The following CXCL13 variants were observed in gnomAD, a reference collection of about 807,000 sequenced individuals.
CXCL13 encodes C-X-C motif chemokine ligand 13, also known as C-X-C motif chemokine 13.
In CXCL13, 7 loss-of-function variants were observed where a neutral mutation model predicts 12.2. The ratio of observed to expected loss-of-function variants is 0.57; its 90% confidence interval spans 0.33 to 1.07. The LOEUF (loss-of-function observed/expected upper bound fraction) is 1.07, where lower values mean the gene tolerates loss of function less well. CXCL13 is among the 50% of genes least tolerant of loss of function. The pLI, the probability that CXCL13 is intolerant of heterozygous loss-of-function variation, is 0.04. For synonymous variants in CXCL13, 47 were observed against 42.4 expected (o/e 1.11, Z -0.42); for missense variants, 113 against 127.4 (o/e 0.89, Z 0.55).
rs1404232896 is a variant in CXCL13, at chr4:77,573,066, C to T, written c.-42-32758C>T. Among the ~76,000 whole-genome samples, 6 of 151,580 alleles carry T rather than the reference C, an allele frequency of 4.0e-5. No homozygotes were observed. The South Asian group carries it at 8.3e-4, about 21-fold the overall frequency. On this transcript the variant is annotated intron_variant, in intron 1 of 4. Transcript: ENST00000286758. ...ACATGGACACGTAGAGGGAAACAAC[C>T]GACACTAGTGCCTATCAGAGAATGG... is the stretch of plus-strand genomic sequence containing the variant.
chr4:77,598,970 G>A (rs1264631774), intron 1 of CXCL13, among the ~76,000 whole-genome samples: 1 of 152,040 alleles, frequency 6.6e-6, no homozygotes, highest in Non-Finnish European at 1.5e-5. Flanking sequence ...CACTATGCCC[G>A]ACTAATTTTT....
rs866358006 is a variant in CXCL13, at chr4:77,559,802, G to T, written c.-42-46022G>T. Reference sequence around the variant, plus strand: ...TCGGGCATGGTGGCGGGTGCCTGTAGTCCCAGCTACTCAGGAGGCTGAGGC... The same window carrying T: ...TCGGGCATGGTGGCGGGTGCCTGTATTCCCAGCTACTCAGGAGGCTGAGGC... On this transcript the variant is annotated intron_variant, in intron 1 of 4. Transcript: ENST00000286758. Among the ~76,000 whole-genome samples, 16 of 151,660 alleles carry T rather than the reference G, an allele frequency of 1.1e-4. No individual in the cohort carries two copies. In the South Asian group the frequency reaches 3.3e-3, roughly 32 times the overall value.
chr4:77,533,142 G>A (rs1040375572), intron 1 of CXCL13, among the ~76,000 whole-genome samples: 2 of 152,154 alleles, frequency 1.3e-5, no homozygotes, highest in African/African-American at 4.8e-5. Flanking sequence ...TTTCTGCTCT[G>A]TTTTTTCCCC....
At chr4:77,592,191 T>A (rs534805547) in intron 1 of CXCL13, among the ~76,000 whole-genome samples, 1 of 152,212 alleles carries the variant, frequency 6.6e-6, no homozygotes, top group Non-Finnish European at 1.5e-5. Flanking sequence ...AATCTAAGTG[T>A]ACATCAGCAG....
intron 1 of CXCL13, among the ~76,000 whole-genome samples, chr4:77,606,499 C>T (rs888616092): frequency 2.6e-5 from 4 of 152,062 alleles, no homozygotes; most frequent in African/African-American, 9.7e-5. Flanking sequence ...TTTATGTGGC[C>T]GAAGAAATGG....
At chr4:77,538,851 C>G (rs1442405820) in intron 1 of CXCL13, among the ~76,000 whole-genome samples, 1 of 152,104 alleles carries the variant, frequency 6.6e-6, no homozygotes, top group Non-Finnish European at 1.5e-5. Flanking sequence ...GATATGTTAT[C>G]GGCAGCCAAT....
intron 1 of CXCL13, among the ~76,000 whole-genome samples, chr4:77,573,388 GTGTGTGTGTGTGTGTGTGTGTGTA>G (rs1726136841): frequency 1.3e-5 from 2 of 150,206 alleles, no homozygotes; most frequent in African/African-American, 5.0e-5. Context: ...GTGTGTGTGT[GTGTGTGTGTGTGTGTGTGTGTGTA>G]TGTCTAAATG....
At chr4:77,521,524 C>T (rs1303397158) in intron 1 of CXCL13, among the ~76,000 whole-genome samples, 1 of 152,162 alleles carries the variant, frequency 6.6e-6, no homozygotes, top group Non-Finnish European at 1.5e-5. Context: ...ATAGTATTCT[C>T]TGATGGTAGT....
At chr4:77,566,565 TA>T (rs1367700803) in intron 1 of CXCL13, among the ~76,000 whole-genome samples, 8,389 of 148,802 alleles carry the variant, frequency 0.056, 719 homozygotes, top group African/African-American at 0.19. Context: ...GTTTTAAATT[TA>T]AAAAAAAAAA....
intron 1 of CXCL13, among the ~76,000 whole-genome samples, chr4:77,593,613 C>T (rs983835395): frequency 2.0e-5 from 3 of 152,196 alleles, no homozygotes; most frequent in Non-Finnish European, 4.4e-5. Flanking sequence ...CTTTCGCATA[C>T]CTTAACTTCT....
intron 1 of CXCL13, among the ~76,000 whole-genome samples, chr4:77,573,876 C>T (rs1283184423): frequency 2.0e-5 from 3 of 151,792 alleles, no homozygotes; most frequent in African/African-American, 7.3e-5. Context: ...ATTTTCTTTT[C>T]TTTGAGGGAC....
At chr4:77,605,993 T>A in intron 1 of CXCL13, 64 bp downstream of exon 1, 4 of 1,194,472 alleles carry the variant, frequency 3.3e-6, no homozygotes, top group Non-Finnish European at 4.8e-6. Flanking sequence ...CACTTCAATT[T>A]TCTTTCGATT....
rs540955591 is a variant in CXCL13, at chr4:77,566,566, A to T, written c.-42-39258A>T. On this transcript the variant is annotated intron_variant, in intron 1 of 4. Transcript: ENST00000286758. ...TTACCATCAAACCTGTTTTAAATTTAAAAAAAAAAATCCTTGAGGTGCAAA... is the reference window on the plus strand; with the variant it reads ...TTACCATCAAACCTGTTTTAAATTTTAAAAAAAAAATCCTTGAGGTGCAAA... 4.7e-4 allele frequency among the ~76,000 whole-genome samples: 62 copies of T among 132,624 alleles called. 1 individual carries two copies. In the South Asian group the frequency reaches 6.0e-3, roughly 13 times the overall value. The allele number at this position is 132,624 out of a possible 152,430, so 87.0% of individuals were successfully genotyped here.
At chr4:77,525,704 A>G (rs1724745616) in intron 1 of CXCL13, among the ~76,000 whole-genome samples, 1 of 151,980 alleles carries the variant, frequency 6.6e-6, no homozygotes, top group African/African-American at 2.4e-5. Flanking sequence ...AAACCTCTTG[A>G]TTTTTATTTG....
rs371596253 is a variant in CXCL13 at position 77,563,730 on chromosome 4, C to T, written c.-42-42094C>T. On this transcript the variant is annotated intron_variant, in intron 1 of 4. Coordinates refer to the CXCL13 transcript ENST00000286758. ...AAATGAAGAATTACAGGGGAATATA[C>T]AGAAAAACAGAGTTAACTTCTTCCT... Among the ~76,000 whole-genome samples the T allele has an allele frequency of 5.0e-4, 76 of 152,288 alleles. 1 individual carries two copies. The South Asian group carries it at 8.1e-3, about 16-fold the overall frequency.
intron 1 of CXCL13, among the ~76,000 whole-genome samples, chr4:77,592,553 A>G (rs1323936958): frequency 5.3e-5 from 8 of 152,212 alleles, no homozygotes; most frequent in African/African-American, 1.7e-4. Flanking sequence ...TATATATATC[A>G]TAATATCATT....
chr4:77,563,865 A>C (rs1012369579), intron 1 of CXCL13, among the ~76,000 whole-genome samples: 1 of 152,224 alleles, frequency 6.6e-6, no homozygotes, highest in Non-Finnish European at 1.5e-5. Context: ...TCTATGCCTC[A>C]AATCTTCATG....
At chr4:77,522,412 G>T (rs1175939170) in intron 1 of CXCL13, among the ~76,000 whole-genome samples, 2 of 146,800 alleles carry the variant, frequency 1.4e-5, no homozygotes, top group African/African-American at 2.5e-5. Flanking sequence ...AGCTCTTCTT[G>T]TTGAATTGAT....
chr4:77,602,511 TA>T (rs1726902061), upstream of CXCL13, among the ~76,000 whole-genome samples: 1 of 152,198 alleles, frequency 6.6e-6, no homozygotes, highest in African/African-American at 2.4e-5. Flanking sequence ...CCTGAGATTC[TA>T]CATTTTAAAC....
Sources: gnomAD v4.1 joint callset for allele counts (sites outside exome capture counted in the v4.1 genomes callset) on GRCh38, gnomAD v4.1.1 for gene constraint, MANE v1.5 for transcripts, NCBI Gene and HGNC (gene_info 2026-07-23, HGNC 2026-07-21) for gene names.